The following FAM162A variants were observed in gnomAD, a reference collection of about 807,000 sequenced individuals.
FAM162A encodes family with sequence similarity 162 member A, also known as protein FAM162A.
In FAM162A, 23 loss-of-function variants were observed where a neutral mutation model predicts 21.8. The observed-to-expected ratio is 1.05, with a 90% CI of 0.76 to 1.49. The LOEUF is 1.49. Among genes scored for constraint, FAM162A ranks in the 40% most tolerant of loss-of-function variants. FAM162A has a pLI of 0.00. For missense variants in FAM162A, 165 were observed against 186.4 expected, an observed-to-expected ratio of 0.89 and a Z score of 0.67; for synonymous variants, 53 against 61.3, an observed-to-expected ratio of 0.86 and a Z score of 0.64.
At position 122,404,065 on chromosome 3, in the gene FAM162A, G is replaced by A. The variant is rs897980615; in HGVS notation, c.158-193G>A. Among the ~76,000 whole-genome samples the A allele has an allele frequency of 2.6e-5, 4 of 152,060 alleles. No homozygotes were observed. The highest frequency in any genetic ancestry group is 5.9e-5 in the Non-Finnish European group (4 of 68,012). On this transcript the variant is annotated intron_variant, in intron 2 of 4. Transcript: ENST00000477892. ...CAGACAAGCTCCTCACCGTTTCCTT[G>A]GGATTTTATAATCTTATTTGGAAAA...
intron 1 of FAM162A, among the ~76,000 whole-genome samples, chr3:122,399,442 C>T (rs1286385755): frequency 6.6e-6 from 1 of 152,116 alleles, no homozygotes; most frequent in Non-Finnish European, 1.5e-5. Flanking sequence ...ATTCTCATGC[C>T]TCAGCTACCC....
Position 122,384,185 on chromosome 3 carries a change from C to A in FAM162A, c.-81C>A, listed in dbSNP as rs1370234791. 2 of 1,537,090 alleles carry A rather than the reference C, an allele frequency of 1.3e-6. No homozygotes were observed. Among genetic ancestry groups the A allele is most frequent in the African/African-American group, 1.4e-5 (1 of 72,756 alleles). On this transcript the variant is annotated 5_prime_UTR_variant, in exon 1 of 5. Transcript: ENST00000477892. ...CGGCGCCGCCTGCGTCCTTCCCACT[C>A]CAACGCTGGGTGACATTGAGCTCAC...
At chr3:122,397,578 G>A (rs1049092352) in intron 1 of FAM162A, among the ~76,000 whole-genome samples, 1 of 152,044 alleles carries the variant, frequency 6.6e-6, no homozygotes, top group African/African-American at 2.4e-5. Flanking sequence ...GGACTCAGGG[G>A]CTCTTAGGTG....
At chr3:122,409,377 G>C (rs1576254670) in intron 4 of FAM162A, among the ~76,000 whole-genome samples, 1 of 152,094 alleles carries the variant, frequency 6.6e-6, no homozygotes, top group Non-Finnish European at 1.5e-5. Context: ...ACAGAGAAAA[G>C]TGAAAGAAGA....
chr3:122,384,327 T>C, intron 1 of FAM162A, 28 bp downstream of exon 1: 5 of 1,566,626 alleles, frequency 3.2e-6, no homozygotes, highest in Non-Finnish European at 4.3e-6. Context: ...ATATGGGAGG[T>C]AGGGGAGCTG....
Position 122,404,371 on chromosome 3 carries a change from C to T in FAM162A, c.263+8C>T. 1 of 1,468,634 alleles carries T rather than the reference C, an allele frequency of 6.8e-7. No individual in the cohort carries two copies. Among genetic ancestry groups the T allele is most frequent in the South Asian group, 1.2e-5 (1 of 84,148 alleles). The allele number at this position is 1,468,634 out of a possible 1,614,324, so 91.0% of individuals were successfully genotyped here. On this transcript the variant is annotated splice_region_variant and intron_variant, in intron 3 of 4. Transcript: ENST00000477892. ...AATCCCAGAGACTGTCTCGTGAGTG[C>T]TGAATTTAGTATTACAAGCAGCTTT...
chr3:122,401,155 T>G (rs1359650531), intron 1 of FAM162A, among the ~76,000 whole-genome samples: 1 of 152,212 alleles, frequency 6.6e-6, no homozygotes, highest in African/African-American at 2.4e-5. Context: ...AATGCATTTT[T>G]CATTTATTTT....
intron 1 of FAM162A, among the ~76,000 whole-genome samples, chr3:122,386,052 T>C (rs1322232588): frequency 1.3e-5 from 2 of 152,204 alleles, no homozygotes; most frequent in Non-Finnish European, 2.9e-5. Context: ...ATTTTTGTGC[T>C]TTTTGCTGTT....
Position 122,394,050 on chromosome 3 carries a change from A to G in FAM162A, c.35-8710A>G, listed in dbSNP as rs910888045. On this transcript the variant is annotated intron_variant, in intron 1 of 4. Coordinates refer to ENST00000477892, the MANE Select transcript of FAM162A (RefSeq NM_014367.4). ...CTAGGGAGGCCTTAGGAAACTTACA[A>G]TCATGGTGGAAGGCGAAGGGGGAGC... is the stretch of plus-strand genomic sequence containing the variant. Among the ~76,000 whole-genome samples, 4 of 152,202 alleles carry G rather than the reference A, an allele frequency of 2.6e-5. 1 individual carries two copies. Among genetic ancestry groups the G allele is most frequent in the South Asian group, 4.1e-4 (2 of 4,830 alleles).
Position 122,412,298 on chromosome 3 carries a change from G to A in FAM162A, c.*2467G>A, listed in dbSNP as rs1172979610. Reference sequence around the variant, plus strand: ...TTTTTCTACTTTACATTTCCTGTAAGTGCTGTTTGTTTGAATAAAGTTAAT... The same window carrying A: ...TTTTTCTACTTTACATTTCCTGTAAATGCTGTTTGTTTGAATAAAGTTAAT... On this transcript the variant is annotated 3_prime_UTR_variant, in exon 5 of 5. Coordinates refer to ENST00000477892, the MANE Select transcript of FAM162A (RefSeq NM_014367.4). The A allele has an allele frequency of 1.3e-5, 2 of 152,112 alleles. No homozygotes were observed. Among genetic ancestry groups the A allele is most frequent in the Admixed American group, 6.5e-5 (1 of 15,272 alleles). The allele number at this position is 152,112 out of a possible 1,614,324, so 9.4% of individuals were successfully genotyped here. A position where few individuals can be genotyped will look rare whatever the true frequency, so the allele number is the denominator to read the frequency against.
chr3:122,384,584 C>T (rs1046396214), intron 1 of FAM162A, among the ~76,000 whole-genome samples: 9 of 151,952 alleles, frequency 5.9e-5, no homozygotes, highest in Admixed American at 1.3e-4. Flanking sequence ...TCCTCAGCCT[C>T]CCCTGAGCTC....
chr3:122,411,587 C>T lies in FAM162A; in HGVS notation c.*1756C>T, dbSNP rs1250181474. On this transcript the variant is annotated 3_prime_UTR_variant, in exon 5 of 5. Coordinates refer to ENST00000477892, the MANE Select transcript of FAM162A (RefSeq NM_014367.4). ...TTTTTTTTTTTTTGAGACAGTCTTG[C>T]ACTGTCGCCCAGGCTAGAGTGCAGG... 1 of 149,420 alleles carries T rather than the reference C, an allele frequency of 6.7e-6. No homozygotes were observed. Among genetic ancestry groups the T allele is most frequent in the Non-Finnish European group, 1.5e-5 (1 of 67,694 alleles). The allele number at this position is 149,420 out of a possible 1,614,324, so 9.3% of individuals were successfully genotyped here.
chr3:122,405,109 G>A (rs778179440), intron 3 of FAM162A, among the ~76,000 whole-genome samples: 1 of 152,198 alleles, frequency 6.6e-6, no homozygotes. Flanking sequence ...CAGTGCCCTA[G>A]CCTCATGTTA....
Position 122,404,243 on chromosome 3 carries a change from TG to T in FAM162A, c.158-13del. The stretch of plus-strand genomic sequence containing the variant: ...TCTCAAACACATAAAATTTCTTGTC[TG>T]GTTTTTCTCATAGGCACTTACAACA... On this transcript the variant is annotated splice_polypyrimidine_tract_variant and intron_variant, in intron 2 of 4. Coordinates refer to ENST00000477892, the MANE Select transcript of FAM162A (RefSeq NM_014367.4). The T allele has an allele frequency of 7.2e-7, 1 of 1,384,906 alleles. No homozygotes were observed. Among genetic ancestry groups the T allele is most frequent in the Non-Finnish European group, 9.9e-7 (1 of 1,007,706 alleles). The allele number at this position is 1,384,906 out of a possible 1,614,324, so 85.8% of individuals were successfully genotyped here.
intron 1 of FAM162A, among the ~76,000 whole-genome samples, chr3:122,392,403 G>C (rs6787230): frequency 0.37 from 55,562 of 152,042 alleles, 11,426 homozygotes; most frequent in East Asian, 0.65. Context: ...CCTGGAGATG[G>C]ATAGTAGTAA....
intron 1 of FAM162A, among the ~76,000 whole-genome samples, chr3:122,394,317 A>G (rs2075617770): frequency 6.6e-6 from 1 of 152,186 alleles, no homozygotes; most frequent in South Asian, 2.1e-4. Context: ...ACTATATCAG[A>G]AGGCTAAGGC....
At position 122,400,893 on chromosome 3, in the gene FAM162A, A is replaced by G. The variant is rs1156263094; in HGVS notation, c.35-1867A>G. Among the ~76,000 whole-genome samples, 6 of 152,326 alleles carry G rather than the reference A, an allele frequency of 3.9e-5. No homozygotes were observed. The South Asian group carries it at 6.2e-4, about 16-fold the overall frequency. ...GAGATGTTCATTGGGGAGAAAGTCA[A>G]TAGAGTCTTGAATATTCTCGTGATG... On this transcript the variant is annotated intron_variant, in intron 1 of 4. Transcript: ENST00000477892.
At chr3:122,384,899 G>T (rs897922775) in intron 1 of FAM162A, among the ~76,000 whole-genome samples, 1 of 152,168 alleles carries the variant, frequency 6.6e-6, no homozygotes, top group Admixed American at 6.5e-5. Flanking sequence ...GTAATTGAAG[G>T]ATCTGCAGTT....
chr3:122,402,838 A>G lies in FAM162A; in HGVS notation c.113A>G (p.Asn38Ser). 6 of 1,605,438 alleles carry G rather than the reference A, an allele frequency of 3.7e-6. No individual in the cohort carries two copies. The highest frequency in any genetic ancestry group is 5.1e-6 in the Non-Finnish European group (6 of 1,176,382). Residue 38 changes from asparagine to serine, a missense_variant, in exon 2 of 5, where the codon AAT becomes AGT. Coordinates refer to ENST00000477892, the MANE Select transcript of FAM162A (RefSeq NM_014367.4). ...AGAAGCTCTGATTTGAAGAGAATAAATGGATTTTGCACAAAACCACAGGAA... is the reference window on the plus strand; with the variant it reads ...AGAAGCTCTGATTTGAAGAGAATAAGTGGATTTTGCACAAAACCACAGGAA... ...LTRSSDLKRI[N>S]GFCTKPQESP...
Sources: gnomAD v4.1 joint callset for allele counts (sites outside exome capture counted in the v4.1 genomes callset) on GRCh38, gnomAD v4.1.1 for gene constraint, MANE v1.5 for transcripts, NCBI Gene and HGNC (gene_info 2026-07-23, HGNC 2026-07-21) for gene names.